ARL13B: variants seen among roughly 807,000 people sequenced by gnomAD.
ARL13B encodes the protein ADP-ribosylation factor-like protein 13B.
ARL13B carries 36 observed loss-of-function variants against 56.1 expected under a neutral mutation model. The ratio of observed to expected loss-of-function variants is 0.64; its 90% CI spans 0.49 to 0.85. The LOEUF is 0.85. Ranked by LOEUF, ARL13B falls within the 40% of genes least tolerant of loss-of-function variation. ARL13B has a pLI of 0.00. For synonymous variants in ARL13B, 178 were observed against 171.1 expected (o/e 1.04, Z -0.32); for missense variants, 519 against 507.1 (o/e 1.02, Z -0.23).
In ARL13B at chr3:94,054,956, T is replaced by C. The variant is rs2077120076; in HGVS notation, c.*1693T>C. 3.5e-6 allele frequency: 1 copy of C among 284,658 alleles called. No individual in the cohort carries two copies. The highest frequency in any genetic ancestry group is 2.3e-5 in the African/African-American group (1 of 43,946). The allele number at this position is 284,658 out of a possible 1,614,324, so 17.6% of individuals were successfully genotyped here. A position where few individuals can be genotyped will look rare whatever the true frequency, so the allele number is the denominator to read the frequency against. ...TAATTTTAAAACTAAACTCATACTT[T>C]TGCTATCTTTTTAATATTTATCTCG... is the stretch of plus-strand genomic sequence containing the variant. On this transcript the variant is annotated 3_prime_UTR_variant, in exon 10 of 10. Transcript: ENST00000394222.
intron 3 of ARL13B, chr3:94,014,302 T>G: frequency 2.9e-4 from 336 of 1,176,246 alleles, no homozygotes; most frequent in Non-Finnish European, 3.5e-4. Context: ...AGTGGATCCA[T>G]GAGATGGAGA....
chr3:93,998,625 C>T (rs1331561503), intron 2 of ARL13B, among the ~76,000 whole-genome samples: 1 of 152,056 alleles, frequency 6.6e-6, no homozygotes, highest in African/African-American at 2.4e-5. Context: ...GTATTTTTGT[C>T]GTATAGTCTC....
intron 5 of ARL13B, 30 bp from the exon 6 acceptor site, chr3:94,039,850 A>G: frequency 1.2e-6 from 2 of 1,600,822 alleles, no homozygotes; most frequent in Non-Finnish European, 1.7e-6. Flanking sequence ...TTCTCAAAGG[A>G]AATTTCAATT....
In ARL13B at chr3:94,036,771, T is replaced by C; in HGVS notation, c.689+17T>C. The C allele has an allele frequency of 6.3e-7, 1 of 1,597,408 alleles. No homozygotes were observed. The highest frequency in any genetic ancestry group is 8.5e-7 in the Non-Finnish European group (1 of 1,171,154). On this transcript the variant is annotated intron_variant, in intron 5 of 9. Coordinates refer to ENST00000394222, the MANE Select transcript of ARL13B (RefSeq NM_001174150.2). ...AGAAGAAAGGTAAGTAGATTAATTTTGTACCACAGTGCATTTGAAGGATCA... is the reference window on the plus strand; with the variant it reads ...AGAAGAAAGGTAAGTAGATTAATTTCGTACCACAGTGCATTTGAAGGATCA...
chr3:94,043,052 A>T lies in ARL13B; in HGVS notation c.836A>T (p.Lys279Ile), dbSNP rs2076889650. Reference protein sequence around the residue: ...GKLEREKKNQKMEKDSDGCHL... With the variant: ...GKLEREKKNQIMEKDSDGCHL... ...CTTGAAAGAGAGAAAAAAAACCAAA[A>T]AATGGAGAAAGACAGTGATGGCTGC... The change falls in exon 7 of 10, where the codon AAA (lysine) becomes ATA (isoleucine). Residue 279 changes from lysine to isoleucine, a missense_variant. Physicochemically the swap from Lys to Ile is moderately radical, Grantham distance 102. Transcript: ENST00000394222. 1.2e-6 allele frequency: 2 copies of T among 1,611,670 alleles called. No homozygotes were observed. The highest frequency in any genetic ancestry group is 1.7e-6 in the Non-Finnish European group (2 of 1,179,440).
chr3:93,996,066 A>G (rs1368549043), intron 2 of ARL13B, 122 bp downstream of exon 2: 24 of 977,524 alleles, frequency 2.5e-5, no homozygotes, highest in Non-Finnish European at 3.1e-5. Context: ...ATTACTTTAT[A>G]TTCTTAGTAT....
intron 2 of ARL13B, among the ~76,000 whole-genome samples, chr3:93,999,903 G>A (rs770681103): frequency 6.6e-6 from 1 of 152,182 alleles, no homozygotes; most frequent in Non-Finnish European, 1.5e-5. Context: ...CAGCTCCATC[G>A]TGTTAGTCCT....
At position 94,035,395 on chromosome 3, in the gene ARL13B, C is replaced by G. The variant is rs1258841876; in HGVS notation, c.445C>G (p.Leu149Val). 5 of 1,604,418 alleles carry G rather than the reference C, an allele frequency of 3.1e-6. No homozygotes were observed. Among genetic ancestry groups the G allele is most frequent in the Non-Finnish European group, 4.2e-6 (5 of 1,177,698 alleles). Reference sequence around the variant, plus strand: ...AGCTGATGTCATTGAATGTCTATCTCTGGAAAAATTGGTCAATGAGCACAA... The same window carrying G: ...AGCTGATGTCATTGAATGTCTATCTGTGGAAAAATTGGTCAATGAGCACAA... ...GEADVIECLS[L>V]EKLVNEHKCL... Residue 149 changes from leucine (L) to valine (V), a missense_variant, in exon 4 of 10, where the codon CTG becomes GTG. Transcript: ENST00000394222.
At chr3:93,986,078 A>G (rs1710447703) in intron 1 of ARL13B, among the ~76,000 whole-genome samples, 1 of 152,172 alleles carries the variant, frequency 6.6e-6, no homozygotes, top group South Asian at 2.1e-4. Flanking sequence ...AGCAAGGATT[A>G]TCTATTGTGC....
At chr3:93,989,492 G>T (rs559060822) in intron 1 of ARL13B, among the ~76,000 whole-genome samples, 1 of 152,068 alleles carries the variant, frequency 6.6e-6, no homozygotes, top group Non-Finnish European at 1.5e-5. Context: ...TGGCAGAAGT[G>T]GGGGCTGCCA....
intron 1 of ARL13B, 68 bp from the exon 2 acceptor site, chr3:93,995,806 T>C (rs1241515656): frequency 3.6e-6 from 5 of 1,380,376 alleles, no homozygotes; most frequent in Middle Eastern, 2.1e-4. Flanking sequence ...AATTAATGAA[T>C]TTGCATTTAT....
rs1469199755 is a variant in ARL13B at position 93,980,461 on chromosome 3, A to G, written c.38A>G (p.Lys13Arg). ...SLMASCCGWF[K>R]RWREPVRKVT... is the part of the protein sequence containing the mutation. ...ATGGCCAGTTGCTGCGGCTGGTTCA[A>G]GCGGTGGCGGGAGCCTGTCAGGTAG... The change falls in exon 1 of 10, where the codon AAG becomes AGG. Residue 13 changes from lysine to arginine, a missense_variant. Lys to Arg is a conservative substitution (Grantham distance 26). Coordinates refer to ENST00000394222, the MANE Select transcript of ARL13B (RefSeq NM_001174150.2). The G allele has an allele frequency of 6.2e-6, 10 of 1,612,204 alleles. No individual in the cohort carries two copies. The highest frequency in any genetic ancestry group is 1.3e-5 in the African/African-American group (1 of 75,048).
chr3:94,012,927 G>A (rs967801160), intron 3 of ARL13B, among the ~76,000 whole-genome samples: 1 of 152,064 alleles, frequency 6.6e-6, no homozygotes, highest in African/African-American at 2.4e-5. Context: ...ATTACTATTA[G>A]GTCTAGAAAA....
chr3:93,990,393 A>G (rs910948865), intron 1 of ARL13B, among the ~76,000 whole-genome samples: 2 of 151,740 alleles, frequency 1.3e-5, no homozygotes, highest in African/African-American at 2.4e-5. Flanking sequence ...ATATTTGCAT[A>G]TATATATATA....
intron 1 of ARL13B, chr3:93,988,786 ATTT>A (rs35677824): frequency 5.7e-3 from 1,945 of 339,532 alleles, no homozygotes; most frequent in South Asian, 9.7e-3. Flanking sequence ...ATTTGTTTGC[ATTT>A]TTTTTTTTTT....
chr3:94,000,426 A>G (rs186708545), intron 2 of ARL13B, among the ~76,000 whole-genome samples: 23 of 152,214 alleles, frequency 1.5e-4, no homozygotes, highest in African/African-American at 4.8e-4. Flanking sequence ...ACTATCAGAT[A>G]GTGTTTCCTA....
intron 3 of ARL13B, among the ~76,000 whole-genome samples, chr3:94,015,775 G>A (rs1182838374): frequency 3.3e-5 from 5 of 152,026 alleles, no homozygotes; most frequent in South Asian, 4.1e-4. Context: ...ATATGAGAAC[G>A]TTAAGCTATA....
chr3:94,034,689 A>G (rs1239107346), intron 3 of ARL13B, among the ~76,000 whole-genome samples: 1 of 152,152 alleles, frequency 6.6e-6, no homozygotes, highest in African/African-American at 2.4e-5. Context: ...TTTTAAGAAG[A>G]TAAGAATATA....
chr3:94,002,187 A>G (rs1014601792), intron 2 of ARL13B, among the ~76,000 whole-genome samples: 2 of 152,170 alleles, frequency 1.3e-5, no homozygotes, highest in East Asian at 3.8e-4. Context: ...AACTTTCTGC[A>G]ATGATGGAAA....
Sources: gnomAD v4.1 joint callset for allele counts (sites outside exome capture counted in the v4.1 genomes callset) on GRCh38, gnomAD v4.1.1 for gene constraint, MANE v1.5 for transcripts, NCBI Gene and HGNC (gene_info 2026-07-23, HGNC 2026-07-21) for gene names.